The following DCAF7 variants were observed in gnomAD, a reference collection of about 807,000 sequenced individuals.
DCAF7 encodes the protein DDB1 and CUL4 associated factor 7.
DCAF7 carries 4 observed loss-of-function variants against 41.2 expected under a neutral mutation model. The observed-to-expected ratio is 0.10, with a 90% CI of 0.05 to 0.22. The LOEUF is 0.22. DCAF7 is among the 10% of genes least tolerant of loss of function. The probability of loss-of-function intolerance (pLI) is 1.00; values close to 1 mark genes in which losing one functional copy is unlikely to be tolerated. For missense variants in DCAF7, 131 were observed against 443.2 expected (o/e 0.30, Z 6.32); for synonymous variants, 143 against 164.2 (o/e 0.87, Z 0.99).
In DCAF7 at chr17:63,591,623, C is replaced by T. The variant is rs1243072193; in HGVS notation, c.*2451C>T. 6.6e-6 allele frequency: 1 copy of T among 152,260 alleles called. No homozygotes were observed. The highest frequency in any genetic ancestry group is 1.5e-5 in the Non-Finnish European group (1 of 68,100). The allele number at this position is 152,260 out of a possible 1,614,324, so 9.4% of individuals were successfully genotyped here. Reference sequence around the variant, plus strand: ...CCTTTACTCCACCAGCCCGACGACCCATGACTGAGGAGGGGATTTCTACAG... The same window carrying T: ...CCTTTACTCCACCAGCCCGACGACCTATGACTGAGGAGGGGATTTCTACAG... On this transcript the variant is annotated 3_prime_UTR_variant, in exon 7 of 7. Coordinates refer to ENST00000614556, the MANE Select transcript of DCAF7 (RefSeq NM_005828.5).
chr17:63,588,458 A>T (rs1247171993), intron 6 of DCAF7, among the ~76,000 whole-genome samples: 2 of 151,444 alleles, frequency 1.3e-5, no homozygotes, highest in Non-Finnish European at 2.9e-5. Context: ...CAGCCTTCCA[A>T]AGTGTTGGGA....
chr17:63,577,319 AG>A (rs1165357479), intron 1 of DCAF7, among the ~76,000 whole-genome samples: 2 of 152,238 alleles, frequency 1.3e-5, no homozygotes, highest in Non-Finnish European at 2.9e-5. Flanking sequence ...GGTGTGTCTG[AG>A]ACTGAGGTCA....
rs749272437 is a variant in DCAF7 at position 63,589,140 on chromosome 17, TACA to T, written c.1003_1005del (p.Asn335del). On this transcript the variant is annotated inframe_deletion, in exon 7 of 7. Transcript: ENST00000614556. The stretch of plus-strand genomic sequence containing the variant: ...TCAGCCCGACTGGATCGCCATCTGC[TACA>T]ACAACTGCCTGGAGATACTCAGAGT... 1.2e-6 allele frequency: 2 copies of T among 1,613,898 alleles called. No individual in the cohort carries two copies. Among genetic ancestry groups the T allele is most frequent in the South Asian group, 1.1e-5 (1 of 91,090 alleles).
At chr17:63,558,813 T>A (rs923256846) in intron 1 of DCAF7, among the ~76,000 whole-genome samples, 44 of 152,316 alleles carry the variant, frequency 2.9e-4, no homozygotes, top group African/African-American at 9.6e-4. Context: ...TGATTGTTTC[T>A]ACAGATAAAT....
At chr17:63,569,515 G>A (rs542083201) in intron 1 of DCAF7, among the ~76,000 whole-genome samples, 2 of 152,228 alleles carry the variant, frequency 1.3e-5, no homozygotes, top group African/African-American at 4.8e-5. Flanking sequence ...TCCAGGCCGT[G>A]CACTCTCACA....
At chr17:63,577,040 C>T (rs57898753) in intron 1 of DCAF7, among the ~76,000 whole-genome samples, 2,213 of 152,278 alleles carry the variant, frequency 0.015, 56 homozygotes, top group African/African-American at 0.049. Context: ...ATGAAAGTAG[C>T]CAGACACAAA....
At chr17:63,563,089 T>C (rs2033401828) in intron 1 of DCAF7, among the ~76,000 whole-genome samples, 1 of 152,080 alleles carries the variant, frequency 6.6e-6, no homozygotes, top group South Asian at 2.1e-4. Flanking sequence ...CTTCCCAAAA[T>C]AGTGGGATAA....
intron 1 of DCAF7, among the ~76,000 whole-genome samples, chr17:63,559,398 TGTATATATATGTATATATATAC>T (rs1170521105): frequency 2.9e-4 from 28 of 97,494 alleles, no homozygotes; most frequent in Non-Finnish European, 3.8e-4. Context: ...TATATATATA[TGTATATATATGTATATATATAC>T]GTATATATAT....
At position 63,550,565 on chromosome 17, in the gene DCAF7, C is replaced by G; in HGVS notation, c.-113C>G. On this transcript the variant is annotated 5_prime_UTR_variant, in exon 1 of 7. Coordinates refer to ENST00000614556, the MANE Select transcript of DCAF7 (RefSeq NM_005828.5). This position sits in a 1 kb window ranked among gnomAD's most constrained non-coding sequence, Gnocchi z 4.8. ...CCGCATCCCCGCTTCCGGGTTAGGCCGTTCCTGCCCGCCCCCTCCTCTCCT... is the reference window on the plus strand; with the variant it reads ...CCGCATCCCCGCTTCCGGGTTAGGCGGTTCCTGCCCGCCCCCTCCTCTCCT... 1 of 1,485,786 alleles carries G rather than the reference C, an allele frequency of 6.7e-7. No individual in the cohort carries two copies. The highest frequency in any genetic ancestry group is 9.0e-7 in the Non-Finnish European group (1 of 1,111,770). The allele number at this position is 1,485,786 out of a possible 1,614,324, so 92.0% of individuals were successfully genotyped here. A position where few individuals can be genotyped will look rare whatever the true frequency, so the allele number is the denominator to read the frequency against.
chr17:63,583,315 C>G (rs905395812), intron 4 of DCAF7, among the ~76,000 whole-genome samples, 187 bp from the exon 5 acceptor site: 2 of 152,206 alleles, frequency 1.3e-5, no homozygotes, highest in Non-Finnish European at 2.9e-5. Context: ...GAATGATCTT[C>G]CATCTTTGGG....
intron 1 of DCAF7, among the ~76,000 whole-genome samples, chr17:63,570,322 T>G (rs1164051496): frequency 6.6e-6 from 1 of 151,908 alleles, no homozygotes; most frequent in Admixed American, 6.6e-5. Flanking sequence ...GGCGTGGTGG[T>G]ATGCACCTGT....
At chr17:63,559,378 T>TAC (rs2033350219) in intron 1 of DCAF7, among the ~76,000 whole-genome samples, 2 of 33,494 alleles carry the variant, frequency 6.0e-5, no homozygotes, top group African/African-American at 2.0e-4. Flanking sequence ...TATATATGTG[T>TAC]ATATATATGT....
At chr17:63,578,949 G>T (rs1034044006) in intron 2 of DCAF7, among the ~76,000 whole-genome samples, 16 of 152,194 alleles carry the variant, frequency 1.1e-4, no homozygotes, top group Non-Finnish European at 1.2e-4. Flanking sequence ...TAAACTAAAT[G>T]AAATACCAGG....
chr17:63,584,274 C>G (rs1030413207), intron 5 of DCAF7, among the ~76,000 whole-genome samples: 3 of 152,096 alleles, frequency 2.0e-5, no homozygotes, highest in African/African-American at 7.2e-5. Flanking sequence ...TGGAGACCAT[C>G]CTGGCCAACA....
intron 4 of DCAF7, among the ~76,000 whole-genome samples, chr17:63,580,507 C>CTTTTT (rs530801174): frequency 1.8e-4 from 8 of 43,896 alleles, no homozygotes; most frequent in Admixed American, 5.2e-4. Flanking sequence ...TTTGTGATTG[C>CTTTTT]TTTTTTTTTT....
intron 1 of DCAF7, among the ~76,000 whole-genome samples, chr17:63,574,790 T>A (rs1302356471): frequency 6.6e-6 from 1 of 152,028 alleles, no homozygotes; most frequent in Non-Finnish European, 1.5e-5. Context: ...CTGGGCAACA[T>A]GGCAAAACCC....
At chr17:63,570,575 GA>G (rs1223853059) in intron 1 of DCAF7, among the ~76,000 whole-genome samples, 2 of 152,210 alleles carry the variant, frequency 1.3e-5, no homozygotes, top group African/African-American at 2.4e-5. Flanking sequence ...AGGGTGTAGG[GA>G]AACAGGCATT....
chr17:63,575,447 A>G (rs1333547262), intron 1 of DCAF7, among the ~76,000 whole-genome samples: 1 of 152,078 alleles, frequency 6.6e-6, no homozygotes, highest in Admixed American at 6.6e-5. Context: ...CGCCTGTAAT[A>G]TCAGCACCCT....
intron 1 of DCAF7, among the ~76,000 whole-genome samples, chr17:63,559,304 CAT>C (rs368862458): frequency 0.033 from 3,809 of 116,900 alleles, 216 homozygotes; most frequent in African/African-American, 0.12. Context: ...GTGTGAGACC[CAT>C]ATATATATAT....
Sources: allele counts gnomAD v4.1 joint callset (sites outside exome capture counted in the v4.1 genomes callset), GRCh38; gene constraint gnomAD v4.1.1; non-coding constraint Gnocchi (gnomAD v3.1); transcripts MANE v1.5; gene names NCBI Gene and HGNC (gene_info 2026-07-23, HGNC 2026-07-21).